The following ADCY8 variants were observed in gnomAD, a reference collection of about 807,000 sequenced individuals.
The protein encoded by ADCY8 is adenylate cyclase 8, also known as adenylate cyclase type 8.
In ADCY8, 51 loss-of-function variants were observed where a neutral mutation model predicts 119.7. That is an observed-to-expected ratio of 0.43 (90% CI 0.34 to 0.54). The LOEUF is 0.54. Among genes scored for constraint, ADCY8 ranks in the 20% least tolerant of loss-of-function variants. ADCY8 has a pLI of 0.03. For synonymous variants in ADCY8, 665 were observed against 651.0 expected, an observed-to-expected ratio of 1.02 and a Z score of -0.33; for missense variants, 1,383 against 1,598.8, an observed-to-expected ratio of 0.87 and a Z score of 2.30.
chr8:130,869,134 G>A (rs1392648882), intron 8 of ADCY8, among the ~76,000 whole-genome samples: 1 of 152,194 alleles, frequency 6.6e-6, no homozygotes, highest in African/African-American at 2.4e-5. Flanking sequence ...ATGCTGTTCA[G>A]AGACTGCACA....
At chr8:130,990,620 G>T in intron 1 of ADCY8, 78 bp from the exon 2 acceptor site, 2 of 1,537,492 alleles carry the variant, frequency 1.3e-6, no homozygotes, top group Non-Finnish European at 1.8e-6. Context: ...AAATAAATAT[G>T]AATTTCCAAG....
chr8:131,034,426 C>CTA (rs1317109724), intron 1 of ADCY8, among the ~76,000 whole-genome samples: 1 of 152,022 alleles, frequency 6.6e-6, no homozygotes, highest in Non-Finnish European at 1.5e-5. Context: ...CTTACTCATA[C>CTA]TATACACCAC....
chr8:131,039,000 A>C lies in ADCY8; in HGVS notation c.960+374T>G, dbSNP rs543094708. On this transcript the variant is annotated intron_variant, in intron 1 of 17. Coordinates refer to ENST00000286355, the MANE Select transcript of ADCY8 (RefSeq NM_001115.3). ...CCTGCTGCGACTCTCCTGAGGAGAG[A>C]TGTTAAGGAATGGGTCACCTTCTAA... Among the ~76,000 whole-genome samples the C allele has an allele frequency of 2.6e-5, 4 of 152,246 alleles. No individual in the cohort carries two copies. In the South Asian group the frequency reaches 8.3e-4, roughly 32 times the overall value.
chr8:130,887,258 A>G (rs1194294149), intron 7 of ADCY8, among the ~76,000 whole-genome samples: 4 of 152,116 alleles, frequency 2.6e-5, no homozygotes, highest in African/African-American at 4.8e-5. Flanking sequence ...ATACAGACCA[A>G]TGAAATCTCC....
intron 2 of ADCY8, among the ~76,000 whole-genome samples, chr8:130,955,379 A>T (rs1260201341): frequency 6.6e-6 from 1 of 152,224 alleles, no homozygotes; most frequent in Non-Finnish European, 1.5e-5. Flanking sequence ...TATCTAGTCT[A>T]TCAGACCCCA....
intron 1 of ADCY8, among the ~76,000 whole-genome samples, chr8:131,023,377 A>G (rs887336586): frequency 1.3e-5 from 2 of 152,142 alleles, no homozygotes; most frequent in Non-Finnish European, 2.9e-5. Context: ...ACAGCTAAAG[A>G]CCTAGGAGTG....
chr8:131,012,649 T>C (rs1245274166), intron 1 of ADCY8, among the ~76,000 whole-genome samples: 2 of 152,144 alleles, frequency 1.3e-5, no homozygotes, highest in Non-Finnish European at 2.9e-5. Flanking sequence ...CCTTTGAGGA[T>C]TACCTCAGCT....
At chr8:130,998,619 C>T (rs1048499154) in intron 1 of ADCY8, among the ~76,000 whole-genome samples, 9 of 152,222 alleles carry the variant, frequency 5.9e-5, no homozygotes, top group East Asian at 1.9e-4. Context: ...GTCACTTGGG[C>T]GACTGGGAAG....
At position 131,040,366 on chromosome 8, in the gene ADCY8, C is replaced by G; in HGVS notation, c.-33G>C. On this transcript the variant is annotated 5_prime_UTR_variant, in exon 1 of 18. Coordinates refer to ENST00000286355, the MANE Select transcript of ADCY8 (RefSeq NM_001115.3). Reference sequence around the variant, plus strand: ...GGCCGCAGGGAAGGAGGCCCAGAACCTTGGGGAGGCAGCCGGAGGAGGGGT... The same window carrying G: ...GGCCGCAGGGAAGGAGGCCCAGAACGTTGGGGAGGCAGCCGGAGGAGGGGT... The G allele has an allele frequency of 4.1e-6, 6 of 1,457,872 alleles. No homozygotes were observed. The South Asian group carries it at 9.1e-5, about 22-fold the overall frequency. 90.3% of individuals were successfully genotyped at this position (1,457,872 alleles called of 1,614,324 possible). A position where few individuals can be genotyped will look rare whatever the true frequency, so the allele number is the denominator to read the frequency against.
At chr8:130,943,078 G>A (rs1427446692) in intron 4 of ADCY8, among the ~76,000 whole-genome samples, 1 of 152,178 alleles carries the variant, frequency 6.6e-6, no homozygotes, top group Admixed American at 6.5e-5. Flanking sequence ...GCAATGATAG[G>A]GGCGTGGAAA....
At chr8:131,015,068 T>C (rs13281591) in intron 1 of ADCY8, among the ~76,000 whole-genome samples, 3,712 of 152,290 alleles carry the variant, frequency 0.024, 49 homozygotes, top group East Asian at 0.057. Context: ...GGGTTAGACA[T>C]AGGCCTCTAA....
At chr8:130,805,789 A>G (rs1426970656) in intron 14 of ADCY8, among the ~76,000 whole-genome samples, 1 of 152,174 alleles carries the variant, frequency 6.6e-6, no homozygotes, top group East Asian at 1.9e-4. Context: ...AGCCTGGAGA[A>G]TGGTGGGTCT....
chr8:130,795,172 G>T (rs1207090305), intron 15 of ADCY8, among the ~76,000 whole-genome samples: 1 of 152,224 alleles, frequency 6.6e-6, no homozygotes, highest in Non-Finnish European at 1.5e-5. Context: ...AGAACTAGGG[G>T]CTCTGCCTCC....
At chr8:130,893,764 TTATG>T (rs756441958) in intron 7 of ADCY8, among the ~76,000 whole-genome samples, 3 of 146,304 alleles carry the variant, frequency 2.1e-5, no homozygotes, top group South Asian at 2.2e-4. Flanking sequence ...GTGTGCATGT[TTATG>T]TGTGTGTGTT....
intron 2 of ADCY8, among the ~76,000 whole-genome samples, chr8:130,964,860 G>A (rs543115730): frequency 5.7e-4 from 86 of 152,174 alleles, no homozygotes; most frequent in Non-Finnish European, 7.9e-4. Flanking sequence ...TTTAATAATA[G>A]CCATTCTTAC....
intron 1 of ADCY8, among the ~76,000 whole-genome samples, chr8:131,022,390 G>T (rs113078965): frequency 1.1e-4 from 16 of 152,070 alleles, no homozygotes; most frequent in Non-Finnish European, 1.6e-4. Context: ...TTCTGTTCTT[G>T]TGTTAGTTTG....
At chr8:130,884,448 A>T in intron 8 of ADCY8, 116 bp downstream of exon 8, 1 of 1,122,312 alleles carries the variant, frequency 8.9e-7, no homozygotes, top group South Asian at 1.3e-5. Flanking sequence ...ACCAAACCAA[A>T]CCAAAGCAAA....
intron 1 of ADCY8, among the ~76,000 whole-genome samples, chr8:131,021,483 T>C (rs1238606906): frequency 6.6e-6 from 1 of 152,162 alleles, no homozygotes; most frequent in African/African-American, 2.4e-5. Context: ...ACTGGGCACA[T>C]TACCTCCCAA....
chr8:130,787,677 T>C (rs775149060), intron 15 of ADCY8, among the ~76,000 whole-genome samples: 20 of 143,270 alleles, frequency 1.4e-4, no homozygotes, highest in Non-Finnish European at 2.4e-4. Flanking sequence ...TGTGCACATG[T>C]ATGTCCATGT....
Sources: gnomAD v4.1 joint callset for allele counts (sites outside exome capture counted in the v4.1 genomes callset) on GRCh38, gnomAD v4.1.1 for gene constraint, MANE v1.5 for transcripts, NCBI Gene and HGNC (gene_info 2026-07-23, HGNC 2026-07-21) for gene names.